The following AP4S1 variants were observed in gnomAD, a reference collection of about 807,000 sequenced individuals.
AP4S1 encodes adaptor related protein complex 4 subunit sigma 1, also known as AP-4 complex subunit sigma-1.
Under a neutral mutation model 19.8 loss-of-function variants are expected in AP4S1, and 23 were observed. The observed-to-expected ratio is 1.16, with a 90% CI of 0.84 to 1.65. The LOEUF (loss-of-function observed/expected upper bound fraction) is 1.65. AP4S1 is among the 40% of genes most tolerant of loss of function. The probability of loss-of-function intolerance (pLI) is 0.00; values close to 1 mark genes in which losing one functional copy is unlikely to be tolerated. For missense variants in AP4S1, 166 were observed against 172.8 expected (o/e 0.96, Z 0.22); for synonymous variants, 46 against 54.1 (o/e 0.85, Z 0.66).
intron 5 of AP4S1, among the ~76,000 whole-genome samples, chr14:31,088,546 G>A (rs539836366): frequency 9.9e-5 from 15 of 152,008 alleles, no homozygotes; most frequent in Non-Finnish European, 1.9e-4. Flanking sequence ...GGTGGCTCAC[G>A]CCTGTAGTCC....
intron 1 of AP4S1, among the ~76,000 whole-genome samples, chr14:31,049,189 G>A (rs1280107253): frequency 2.0e-5 from 3 of 151,660 alleles, no homozygotes; most frequent in South Asian, 2.1e-4. Context: ...CGAGGCGGGT[G>A]GATCATGAGG....
At chr14:31,066,774 ATAT>A (rs1886740106) in intron 2 of AP4S1, among the ~76,000 whole-genome samples, 1 of 152,210 alleles carries the variant, frequency 6.6e-6, no homozygotes, top group African/African-American at 2.4e-5. Flanking sequence ...GAGGATAATA[ATAT>A]TATTCTCAAA....
chr14:31,033,136 G>C (rs573422501), intron 1 of AP4S1: 1 of 152,220 alleles, frequency 6.6e-6, no homozygotes, highest in East Asian at 1.9e-4. Flanking sequence ...ACTGTCTCTG[G>C]TTCTCAAATC....
At chr14:31,025,967 C>A in intron 1 of AP4S1, 180 bp downstream of exon 1, 1 of 1,587,234 alleles carries the variant, frequency 6.3e-7, no homozygotes, top group South Asian at 1.1e-5. Flanking sequence ...CCCACTCGTG[C>A]TGGATGTAGT....
At chr14:31,071,437 T>C (rs1886995227) in intron 3 of AP4S1, among the ~76,000 whole-genome samples, 1 of 152,216 alleles carries the variant, frequency 6.6e-6, no homozygotes, top group Non-Finnish European at 1.5e-5. Flanking sequence ...AAAGATTCTT[T>C]TGGAGATGGA....
In AP4S1 at chr14:31,025,737, G is replaced by A. The variant is rs1173297458; in HGVS notation, c.-122G>A. 6 of 907,148 alleles carry A rather than the reference G, an allele frequency of 6.6e-6. No homozygotes were observed. Among genetic ancestry groups the A allele is most frequent in the African/African-American group, 3.5e-5 (2 of 57,916 alleles). The allele number at this position is 907,148 out of a possible 1,614,324, so 56.2% of individuals were successfully genotyped here. A position where few individuals can be genotyped will look rare whatever the true frequency, so the allele number is the denominator to read the frequency against. ...CAAGCTTATGCGGGAAAGAGGGAGG[G>A]GGACTCCAGGAAAAGCCGTTGAGAG... On this transcript the variant is annotated 5_prime_UTR_variant, in exon 1 of 6. Transcript: ENST00000542754.
rs1888140200 is a variant in AP4S1, at chr14:31,093,936, C to G, written c.*901C>G. 6.6e-6 allele frequency: 1 copy of G among 152,472 alleles called. No homozygotes were observed. The highest frequency in any genetic ancestry group is 2.1e-4 in the South Asian group (1 of 4,836). 9.4% of individuals were successfully genotyped at this position (152,472 alleles called of 1,614,324 possible). A position where few individuals can be genotyped will look rare whatever the true frequency, so the allele number is the denominator to read the frequency against. ...TAAGCAATTCTCCTGCCTCAGCCTC[C>G]TGAGTAGCTGCGACTACAGGCATGT... is the stretch of plus-strand genomic sequence containing the variant. On this transcript the variant is annotated 3_prime_UTR_variant, in exon 6 of 6. Transcript: ENST00000542754.
chr14:31,038,992 G>GTT (rs11362456), intron 1 of AP4S1, among the ~76,000 whole-genome samples: 2 of 142,608 alleles, frequency 1.4e-5, no homozygotes, highest in African/African-American at 2.6e-5. Context: ...AAATGTAGAG[G>GTT]TTTTTTTTTT....
intron 1 of AP4S1, chr14:31,026,859 T>C (rs953167071): frequency 1.4e-5 from 2 of 145,074 alleles, no homozygotes; most frequent in South Asian, 2.1e-4. Context: ...CGTTTCTTTT[T>C]CATTCTTTGA....
At position 31,080,686 on chromosome 14, in the gene AP4S1, A is replaced by G. The variant is rs565641683; in HGVS notation, c.306+102A>G. Reference sequence around the variant, plus strand: ...AGGAAAACTATTCAGCAGAGTCCAGAGTGTTCATCACCAACAACTATGACA... The same window carrying G: ...AGGAAAACTATTCAGCAGAGTCCAGGGTGTTCATCACCAACAACTATGACA... On this transcript the variant is annotated intron_variant, in intron 5 of 5. Transcript: ENST00000542754. The G allele has an allele frequency of 2.8e-5, 43 of 1,525,998 alleles. No individual in the cohort carries two copies. The South Asian group carries it at 4.8e-4, about 17-fold the overall frequency. 94.5% of individuals were successfully genotyped at this position (1,525,998 alleles called of 1,614,324 possible).
intron 1 of AP4S1, among the ~76,000 whole-genome samples, chr14:31,032,493 G>T (rs924697468): frequency 6.6e-6 from 1 of 151,178 alleles, no homozygotes; most frequent in Non-Finnish European, 1.5e-5. Flanking sequence ...GGACTGTATA[G>T]CTCCCTGTAA....
chr14:31,092,857 G>T, intron 5 of AP4S1, 50 bp from the exon 6 acceptor site: 1 of 1,386,636 alleles, frequency 7.2e-7, no homozygotes, highest in South Asian at 1.4e-5. Context: ...AATTTTTACT[G>T]AATGTTAATA....
chr14:31,043,845 G>A (rs184879328), intron 1 of AP4S1, among the ~76,000 whole-genome samples: 16 of 152,294 alleles, frequency 1.1e-4, no homozygotes, highest in African/African-American at 3.8e-4. Flanking sequence ...GAAGCTGATG[G>A]AATGAATCAA....
At chr14:31,044,253 T>A (rs569372030) in intron 1 of AP4S1, among the ~76,000 whole-genome samples, 1 of 152,332 alleles carries the variant, frequency 6.6e-6, no homozygotes, top group South Asian at 2.1e-4. Flanking sequence ...CTACTTATTA[T>A]GTCATAGTAG....
At chr14:31,035,243 G>A (rs1018251296) in intron 1 of AP4S1, among the ~76,000 whole-genome samples, 2 of 126,546 alleles carry the variant, frequency 1.6e-5, no homozygotes, top group African/African-American at 6.3e-5. Context: ...TCGCCAGGCT[G>A]GAGTGCAGTG....
chr14:31,065,712 G>A (rs1288336201), intron 1 of AP4S1, among the ~76,000 whole-genome samples: 1 of 152,058 alleles, frequency 6.6e-6, no homozygotes, highest in African/African-American at 2.4e-5. Context: ...CCAGGCTGGA[G>A]TGCAGTGGCG....
chr14:31,052,364 T>A (rs1885844699), intron 1 of AP4S1, among the ~76,000 whole-genome samples: 1 of 152,136 alleles, frequency 6.6e-6, no homozygotes, highest in African/African-American at 2.4e-5. Flanking sequence ...TTATAAACAT[T>A]TTTATGCATA....
chr14:31,038,059 A>G (rs927686527), intron 1 of AP4S1, among the ~76,000 whole-genome samples: 2 of 152,220 alleles, frequency 1.3e-5, no homozygotes, highest in Non-Finnish European at 2.9e-5. Context: ...AGGACAACCA[A>G]GCAGGCCACC....
intron 2 of AP4S1, among the ~76,000 whole-genome samples, chr14:31,067,314 G>A (rs1475247945): frequency 6.6e-6 from 1 of 151,004 alleles, no homozygotes; most frequent in East Asian, 1.9e-4. Context: ...GGGTACATGT[G>A]GACAACATGC....
Sources: gnomAD v4.1 joint callset for allele counts (sites outside exome capture counted in the v4.1 genomes callset) on GRCh38, gnomAD v4.1.1 for gene constraint, MANE v1.5 for transcripts, NCBI Gene and HGNC (gene_info 2026-07-23, HGNC 2026-07-21) for gene names.